ARVCF: variants seen among roughly 807,000 people sequenced by gnomAD.
ARVCF encodes splicing regulator ARVCF.
ARVCF carries 66 observed loss-of-function variants against 90.9 expected under a neutral mutation model. That is an observed-to-expected ratio of 0.73 (90% CI 0.60 to 0.89). The LOEUF (loss-of-function observed/expected upper bound fraction) is 0.89. Ranked by LOEUF, ARVCF falls within the 40% of genes least tolerant of loss-of-function variation. ARVCF has a pLI of 0.00. For synonymous variants in ARVCF, 653 were observed against 603.4 expected (o/e 1.08, Z -1.21); for missense variants, 1,469 against 1,382.3 (o/e 1.06, Z -1.00).
rs1210264281 is a variant in ARVCF at position 19,982,037 on chromosome 22, C to A, written c.265G>T (p.Val89Leu). 1 of 1,612,826 alleles carries A rather than the reference C, an allele frequency of 6.2e-7. No individual in the cohort carries two copies. The highest frequency in any genetic ancestry group is 1.1e-5 in the South Asian group (1 of 91,086). Residue 89 changes from valine (V) to leucine (L), a missense_variant, in exon 4 of 20, where the codon GTG (valine) becomes TTG (leucine). By Grantham distance (32) the Val-to-Leu change is conservative. Transcript: ENST00000263207. The stretch of plus-strand genomic sequence containing the variant: ...TCCACCGTCACGGTCTCCTCCAGCA[C>A]ATCAGGTGCCTCCGGCATCGTGGCC... ...SLATMPEAPD[V>L]LEETVTVEED...
chr22:19,978,193 C>T (rs1943271299), intron 7 of ARVCF, 118 bp from the exon 8 acceptor site: 1 of 882,118 alleles, frequency 1.1e-6, no homozygotes, highest in Non-Finnish European at 1.7e-6. Flanking sequence ...CCTCCTAGCA[C>T]TAATGGGAAA....
rs1260751530 is a variant in ARVCF, at chr22:19,971,116, C to A, written c.*12+100G>T. 2.0e-6 allele frequency: 3 copies of A among 1,536,876 alleles called. No individual in the cohort carries two copies. In the African/African-American group the frequency reaches 4.1e-5, roughly 21 times the overall value. ...CTGGAGGCCAAAGTCCTGCGGGGAA[C>A]GTGCGGGAAGAGCAGAGCGTGCAGG... On this transcript the variant is annotated intron_variant, in intron 19 of 19. Coordinates refer to ENST00000263207, the MANE Select transcript of ARVCF (RefSeq NM_001670.3).
In ARVCF at chr22:19,970,711, C is replaced by G; in HGVS notation, c.*45G>C. On this transcript the variant is annotated 3_prime_UTR_variant, in exon 20 of 20. Coordinates refer to ENST00000263207, the MANE Select transcript of ARVCF (RefSeq NM_001670.3). ...TCAGGGTGGCCCTTCTTCCACGATC[C>G]AAGCCCTAAGAACAAGAGGCTGGGC... 7.8e-7 allele frequency: 1 copy of G among 1,287,356 alleles called. No individual in the cohort carries two copies. Among genetic ancestry groups the G allele is most frequent in the Non-Finnish European group, 1.0e-6 (1 of 988,074 alleles). The allele number at this position is 1,287,356 out of a possible 1,614,324, so 79.7% of individuals were successfully genotyped here. A position where few individuals can be genotyped will look rare whatever the true frequency, so the allele number is the denominator to read the frequency against.
chr22:19,974,012 C>G, intron 12 of ARVCF, 100 bp downstream of exon 12: 3 of 1,523,912 alleles, frequency 2.0e-6, no homozygotes, highest in Non-Finnish European at 2.6e-6. Context: ...GGTGGTGTGG[C>G]CCCTCCTTTC....
At chr22:20,014,819 T>C (rs1169322711) in intron 1 of ARVCF, among the ~76,000 whole-genome samples, 2 of 152,150 alleles carry the variant, frequency 1.3e-5, no homozygotes, top group Non-Finnish European at 2.9e-5. Flanking sequence ...CTTCTGTCCT[T>C]ACTCAGGACA....
chr22:19,982,725 T>G (rs991700956), intron 3 of ARVCF, among the ~76,000 whole-genome samples: 1 of 152,218 alleles, frequency 6.6e-6, no homozygotes, highest in African/African-American at 2.4e-5. Context: ...AGCACCAGTA[T>G]GTCCTTATTC....
downstream of ARVCF, chr22:19,969,893 A>G (rs1440615827): frequency 5.1e-6 from 5 of 985,442 alleles, no homozygotes; most frequent in Non-Finnish European, 6.0e-6. Flanking sequence ...AGAAAGCAAA[A>G]AGTTCCTTTG....
chr22:19,980,411 A>C (rs1385058461), intron 5 of ARVCF, 169 bp from the exon 6 acceptor site: 1 of 1,050,102 alleles, frequency 9.5e-7, no homozygotes, highest in Non-Finnish European at 1.3e-6. Flanking sequence ...GTCATGCACC[A>C]GCCCAGTGAG....
downstream of ARVCF, chr22:19,965,612 T>C (rs1269587491): frequency 6.6e-6 from 1 of 152,250 alleles, no homozygotes; most frequent in Non-Finnish European, 1.5e-5. Flanking sequence ...AGTGCTGGGA[T>C]TACAGGCGTG....
At position 19,970,499 on chromosome 22, in the gene ARVCF, G is replaced by A. The variant is rs73150820; in HGVS notation, c.*257C>T. 185,466 of 1,097,354 alleles carry A rather than the reference G, an allele frequency of 0.17. 17,243 individuals carry two copies. The highest frequency in any genetic ancestry group is 0.34 in the African/African-American group (19,811 of 57,732). 68.0% of individuals were successfully genotyped at this position (1,097,354 alleles called of 1,614,324 possible). ...CCCAGCAGCCCAGTCGGCCTCCTCGGGCCTTCTGTCACTCGCTCACACACA... is the reference window on the plus strand; with the variant it reads ...CCCAGCAGCCCAGTCGGCCTCCTCGAGCCTTCTGTCACTCGCTCACACACA... On this transcript the variant is annotated 3_prime_UTR_variant, in exon 20 of 20. Coordinates refer to ENST00000263207, the MANE Select transcript of ARVCF (RefSeq NM_001670.3).
intron 2 of ARVCF, among the ~76,000 whole-genome samples, chr22:20,007,773 G>A (rs1011884065): frequency 6.6e-6 from 1 of 152,256 alleles, no homozygotes; most frequent in African/African-American, 2.4e-5. Context: ...CTCGCCAGAT[G>A]TGGCCCCTCA....
At chr22:19,972,606 G>A in intron 16 of ARVCF, 131 bp downstream of exon 16, 2 of 1,175,178 alleles carry the variant, frequency 1.7e-6, no homozygotes, top group South Asian at 1.5e-5. Context: ...AAGAGGCAGA[G>A]GGCAGGGAAA....
At chr22:19,980,935 TG>T (rs1219148497) in intron 5 of ARVCF, 9 of 444,582 alleles carry the variant, frequency 2.0e-5, no homozygotes, top group Middle Eastern at 5.6e-4. Context: ...GCCAGGGCTC[TG>T]GGTTCTGGTT....
chr22:20,002,431 G>A (rs982461128), intron 2 of ARVCF, among the ~76,000 whole-genome samples: 1 of 152,124 alleles, frequency 6.6e-6, no homozygotes, highest in Non-Finnish European at 1.5e-5. Flanking sequence ...TCACAGCTCA[G>A]AAGCTGTTTT....
At chr22:19,972,087 C>G in intron 17 of ARVCF, 116 bp from the exon 18 acceptor site, 1 of 1,020,142 alleles carries the variant, frequency 9.8e-7, no homozygotes, top group Non-Finnish European at 1.4e-6. Context: ...TGGGAGACAG[C>G]CCCCACCCAC....
rs1419293560 is a variant in ARVCF, at chr22:19,975,706, T to C, written c.1940A>G (p.Lys647Arg). 4 of 1,613,650 alleles carry C rather than the reference T, an allele frequency of 2.5e-6. No homozygotes were observed. Among genetic ancestry groups the C allele is most frequent in the Non-Finnish European group, 3.4e-6 (4 of 1,179,966 alleles). ...DRNFDTLDLP[K>R]RTEAAKGFEL... Reference sequence around the variant, plus strand: ...CTCACCTTTGGCGGCCTCAGTTCGCTTGGGCAGGTCTAGCGTGTCAAAGTT... The same window carrying C: ...CTCACCTTTGGCGGCCTCAGTTCGCCTGGGCAGGTCTAGCGTGTCAAAGTT... The change falls in exon 11 of 20, where the codon AAG becomes AGG. Residue 647 changes from lysine to arginine, a missense_variant. Physicochemically the swap from Lys to Arg is conservative, Grantham distance 26. Coordinates refer to ENST00000263207, the MANE Select transcript of ARVCF (RefSeq NM_001670.3).
chr22:19,974,037 C>A (rs1043951946), intron 12 of ARVCF, 75 bp downstream of exon 12: 1 of 1,541,666 alleles, frequency 6.5e-7, no homozygotes, highest in African/African-American at 1.4e-5. Context: ...CCAGCCGAGG[C>A]AGGAGCTGCA....
rs1036346746 is a variant in ARVCF, at chr22:19,970,513, C to T, written c.*243G>A. ...CGGCCTCCTCGGGCCTTCTGTCACT[C>T]GCTCACACACAGCACCATGTCAGTA... On this transcript the variant is annotated 3_prime_UTR_variant, in exon 20 of 20. Coordinates refer to ENST00000263207, the MANE Select transcript of ARVCF (RefSeq NM_001670.3). 225 of 1,088,306 alleles carry T rather than the reference C, an allele frequency of 2.1e-4. No homozygotes were observed. Among genetic ancestry groups the T allele is most frequent in the Non-Finnish European group, 2.4e-4 (209 of 887,484 alleles). 67.4% of individuals were successfully genotyped at this position (1,088,306 alleles called of 1,614,324 possible).
intron 3 of ARVCF, chr22:19,983,555 A>G (rs1012210282): frequency 6.6e-6 from 1 of 152,334 alleles, no homozygotes; most frequent in African/African-American, 2.4e-5. Flanking sequence ...TCAGGCTGAC[A>G]GAGGAAAGAA....
Sources: gnomAD v4.1 joint callset for allele counts (sites outside exome capture counted in the v4.1 genomes callset) on GRCh38, gnomAD v4.1.1 for gene constraint, MANE v1.5 for transcripts, NCBI Gene and HGNC (gene_info 2026-07-23, HGNC 2026-07-21) for gene names.